Variants in TIGD4 observed in about 807,000 individuals in gnomAD.
The protein encoded by TIGD4 is tigger transposable element-derived protein 4.
Under a neutral mutation model 24.9 loss-of-function variants are expected in TIGD4, and 20 were observed. The ratio of observed to expected loss-of-function variants is 0.80; its 90% confidence interval spans 0.56 to 1.17. TIGD4 has a LOEUF of 1.17. TIGD4 is among the 50% of genes most tolerant of loss of function. The pLI, the probability that TIGD4 is intolerant of heterozygous loss-of-function variation, is 0.00. For missense variants in TIGD4, 566 were observed against 591.0 expected (o/e 0.96, Z 0.44); for synonymous variants, 193 against 211.0 (o/e 0.91, Z 0.74).
chr4:152,779,323 G>GT (rs1404583357), intron 1 of TIGD4, among the ~76,000 whole-genome samples, 159 bp downstream of exon 1: 3 of 152,242 alleles, frequency 2.0e-5, no homozygotes, highest in Non-Finnish European at 4.4e-5. Flanking sequence ...TCCAGAGCAA[G>GT]TAAGAGCTCA....
intron 1 of TIGD4, among the ~76,000 whole-genome samples, chr4:152,774,721 C>T (rs764731846): frequency 2.0e-5 from 3 of 152,066 alleles, no homozygotes; most frequent in Non-Finnish European, 4.4e-5. Flanking sequence ...ATAAGAAAAA[C>T]ATAATCTTCT....
chr4:152,770,448 CCA>C lies in TIGD4; in HGVS notation c.555_556del (p.Gly186AlafsTer14). On this transcript the variant is annotated frameshift_variant, in exon 2 of 2. Coordinates refer to ENST00000304337, the MANE Select transcript of TIGD4 (RefSeq NM_145720.4). LOFTEE classifies it high-confidence loss of function. ...GGTAGGTAACATTCGATAAAGCAGC[CCA>C]GTCTCTTTTATATTAAAAACATTTT... 6.2e-7 allele frequency: 1 copy of C among 1,610,660 alleles called. No individual in the cohort carries two copies. The highest frequency in any genetic ancestry group is 8.5e-7 in the Non-Finnish European group (1 of 1,179,106).
intron 1 of TIGD4, among the ~76,000 whole-genome samples, chr4:152,778,551 A>G (rs536092530): frequency 2.5e-4 from 38 of 152,350 alleles, no homozygotes; most frequent in South Asian, 1.7e-3. Flanking sequence ...GTGGGTTGGC[A>G]TATATATTTG....
intron 1 of TIGD4, among the ~76,000 whole-genome samples, chr4:152,776,154 T>A (rs1730256695): frequency 6.6e-6 from 1 of 152,120 alleles, no homozygotes; most frequent in South Asian, 2.1e-4. Context: ...AAAAATTACA[T>A]CAGAGCAGAG....
chr4:152,774,921 T>G (rs966144328), intron 1 of TIGD4, among the ~76,000 whole-genome samples: 2 of 151,686 alleles, frequency 1.3e-5, no homozygotes, highest in African/African-American at 4.8e-5. Flanking sequence ...TCAAGGATTT[T>G]TTTTTTTTTT....
At chr4:152,774,772 G>A (rs915615419) in intron 1 of TIGD4, among the ~76,000 whole-genome samples, 1 of 152,156 alleles carries the variant, frequency 6.6e-6, no homozygotes, top group Non-Finnish European at 1.5e-5. Context: ...CAGAATGTCA[G>A]TATCTAGCGT....
intron 1 of TIGD4, among the ~76,000 whole-genome samples, chr4:152,779,236 A>G (rs990534196): frequency 6.6e-6 from 1 of 152,222 alleles, no homozygotes; most frequent in Non-Finnish European, 1.5e-5. Flanking sequence ...ATCCGGAAAA[A>G]GAAAGAGGAG....
intron 1 of TIGD4, among the ~76,000 whole-genome samples, chr4:152,778,765 C>A (rs1282927473): frequency 6.6e-6 from 1 of 152,072 alleles, no homozygotes; most frequent in Non-Finnish European, 1.5e-5. Context: ...ACTGAAACTC[C>A]CTGGAAATCT....
intron 1 of TIGD4, among the ~76,000 whole-genome samples, chr4:152,777,451 C>G (rs963315628): frequency 1.3e-5 from 2 of 151,436 alleles, no homozygotes; most frequent in African/African-American, 4.9e-5. Context: ...TAGTAATCTT[C>G]TATTCTAAAC....
In TIGD4 at chr4:152,770,326, T is replaced by C; in HGVS notation, c.679A>G (p.Lys227Glu). Residue 227 changes from lysine to glutamate, a missense_variant, in exon 2 of 2, where the codon AAA (lysine) becomes GAA (glutamate). Lys to Glu is a moderately conservative substitution (Grantham distance 56). Transcript: ENST00000304337. ...VVGTNMDGSE[K>E]LPLLVIGKKR... ...TTTCCAATGACAAGCAAAGGAAGTT[T>C]CTCTGAGCCATCCATGTTTGTGCCA... 5 of 1,614,106 alleles carry C rather than the reference T, an allele frequency of 3.1e-6. No homozygotes were observed. Among genetic ancestry groups the C allele is most frequent in the Non-Finnish European group, 4.2e-6 (5 of 1,179,964 alleles).
intron 1 of TIGD4, among the ~76,000 whole-genome samples, chr4:152,776,876 A>G (rs1730269029): frequency 6.6e-6 from 1 of 152,242 alleles, no homozygotes; most frequent in South Asian, 2.1e-4. Context: ...ATCCAAAAAC[A>G]GGGAAAAATG....
chr4:152,769,941 G>A lies in TIGD4; in HGVS notation c.1064C>T (p.Ala355Val). The A allele has an allele frequency of 6.2e-7, 1 of 1,613,186 alleles. No homozygotes were observed. The highest frequency in any genetic ancestry group is 8.5e-7 in the Non-Finnish European group (1 of 1,179,268). Reference sequence around the variant, plus strand: ...CCAGCAAAGATGCAATGTATCAACTGCATCTAGTAGTGAAAATGTAAATTC... The same window carrying A: ...CCAGCAAAGATGCAATGTATCAACTACATCTAGTAGTGAAAATGTAAATTC... ...SKEFTFSLLD[A>V]VDTLHLCWRA... is the part of the protein sequence containing the mutation. Residue 355 changes from alanine to valine, a missense_variant, in exon 2 of 2, where the codon GCA becomes GTA. Physicochemically the swap from Ala to Val is moderately conservative, Grantham distance 64 (BLOSUM62 0). Coordinates refer to ENST00000304337, the MANE Select transcript of TIGD4 (RefSeq NM_145720.4).
At position 152,770,524 on chromosome 4, in the gene TIGD4, C is replaced by T; in HGVS notation, c.481G>A (p.Val161Ile). 6.2e-7 allele frequency: 1 copy of T among 1,612,884 alleles called. No homozygotes were observed. Among genetic ancestry groups the T allele is most frequent in the East Asian group, 2.2e-5 (1 of 44,874 alleles). Residue 161 changes from valine to isoleucine, a missense_variant, in exon 2 of 2, where the codon GTC becomes ATC. Transcript: ENST00000304337. ...TAAGGAAGTACATTTTGGTACCAGA[C>T]AGTCGAAGGGTCTACTGGTACACCT... is the stretch of plus-strand genomic sequence containing the variant. ...ATGVPVDPST[V>I]WYQNVLPYYL...
chr4:152,777,428 A>G (rs548289276), intron 1 of TIGD4, among the ~76,000 whole-genome samples: 5 of 152,306 alleles, frequency 3.3e-5, no homozygotes, highest in African/African-American at 1.2e-4. Context: ...ATAAATGACA[A>G]TTCAGAGAAA....
intron 1 of TIGD4, among the ~76,000 whole-genome samples, chr4:152,772,356 A>T (rs966898603): frequency 2.0e-5 from 3 of 152,152 alleles, no homozygotes; most frequent in African/African-American, 7.2e-5. Context: ...TAAAAAAAAA[A>T]AGGTGCCAGG....
At chr4:152,774,743 C>A (rs1315388839) in intron 1 of TIGD4, among the ~76,000 whole-genome samples, 1 of 151,826 alleles carries the variant, frequency 6.6e-6, no homozygotes, top group Admixed American at 6.6e-5. Context: ...TTAAAAAAAA[C>A]ATTTTTGTTT....
chr4:152,778,682 A>T (rs866363422), intron 1 of TIGD4, among the ~76,000 whole-genome samples: 21 of 152,302 alleles, frequency 1.4e-4, no homozygotes, highest in Admixed American at 5.2e-4. Context: ...TATACATTGG[A>T]AACATTTATG....
At chr4:152,776,086 T>TAC (rs1490576495) in intron 1 of TIGD4, among the ~76,000 whole-genome samples, 6 of 152,206 alleles carry the variant, frequency 3.9e-5, no homozygotes, top group Non-Finnish European at 5.9e-5. Context: ...AATTCCATGA[T>TAC]ACATTAAGTG....
chr4:152,772,965 T>G (rs2149806219), intron 1 of TIGD4, among the ~76,000 whole-genome samples: 1 of 152,238 alleles, frequency 6.6e-6, no homozygotes, highest in Non-Finnish European at 1.5e-5. Flanking sequence ...CCGCCTCGGC[T>G]GCCTCCAGCC....
Sources: gnomAD v4.1 joint callset for allele counts (sites outside exome capture counted in the v4.1 genomes callset) on GRCh38, gnomAD v4.1.1 for gene constraint, MANE v1.5 for transcripts, NCBI Gene and HGNC (gene_info 2026-07-23, HGNC 2026-07-21) for gene names.